The following ZFYVE26 variants were observed in gnomAD, a reference collection of about 807,000 sequenced individuals.
ZFYVE26 encodes the protein zinc finger FYVE-type containing 26.
ZFYVE26 carries 181 observed loss-of-function variants against 276.5 expected under a neutral mutation model. The observed-to-expected ratio is 0.65, with a 90% CI of 0.58 to 0.74. The LOEUF is 0.74. Ranked by LOEUF, ZFYVE26 falls within the 30% of genes least tolerant of loss-of-function variation. ZFYVE26 has a pLI of 0.00. For synonymous variants in ZFYVE26, 1,129 were observed against 1,203.1 expected (o/e 0.94, Z 1.27); for missense variants, 2,821 against 3,097.9 (o/e 0.91, Z 2.12).
chr14:67,746,023 G>T (rs2038482511), downstream of ZFYVE26, among the ~76,000 whole-genome samples: 1 of 149,386 alleles, frequency 6.7e-6, no homozygotes, highest in Non-Finnish European at 1.5e-5. Context: ...AGAAAATTTG[G>T]TATTCTGAAC....
Position 67,748,040 on chromosome 14 carries a change from A to G in ZFYVE26, c.*396T>C, listed in dbSNP as rs1165222673. On this transcript the variant is annotated 3_prime_UTR_variant, in exon 42 of 42. Transcript: ENST00000347230. ...CAGGACAACCCGGGTCAAGAACCAA[A>G]ACGCAGGGAAGGTTTTCAGAGTGGC... 4.0e-6 allele frequency: 1 copy of G among 248,168 alleles called. No homozygotes were observed. The highest frequency in any genetic ancestry group is 1.0e-4 in the East Asian group (1 of 10,034). The allele number at this position is 248,168 out of a possible 1,614,324, so 15.4% of individuals were successfully genotyped here.
chr14:67,801,912 T>C (rs1364609358), intron 10 of ZFYVE26, among the ~76,000 whole-genome samples, 167 bp downstream of exon 10: 1 of 152,090 alleles, frequency 6.6e-6, no homozygotes, highest in Non-Finnish European at 1.5e-5. Context: ...TCTTTTTCCA[T>C]GTCCCTTTGA....
At chr14:67,778,313 G>C in intron 23 of ZFYVE26, 65 bp from the exon 24 acceptor site, 1 of 1,608,540 alleles carries the variant, frequency 6.2e-7, no homozygotes, top group Non-Finnish European at 8.5e-7. Context: ...CAGCAGTCTT[G>C]AGTCTACAAA....
chr14:67,782,417 A>G (rs77713658), intron 21 of ZFYVE26, among the ~76,000 whole-genome samples: 28 of 152,206 alleles, frequency 1.8e-4, no homozygotes, highest in Non-Finnish European at 2.8e-4. Flanking sequence ...TCCTTTATAG[A>G]AAAAATGTGC....
At position 67,809,199 on chromosome 14, in the gene ZFYVE26, C is replaced by G; in HGVS notation, c.363+1G>C. ...CAGATGGTACCAGGGCTCTCTCTCA[C>G]CTCGAGGATGTTCTCTGGAATGTCA... On this transcript the variant is annotated splice_donor_variant, in intron 4 of 41. Coordinates refer to ENST00000347230, the MANE Select transcript of ZFYVE26 (RefSeq NM_015346.4). LOFTEE classifies it high-confidence loss of function. The G allele has an allele frequency of 6.2e-7, 1 of 1,613,806 alleles. No homozygotes were observed. The highest frequency in any genetic ancestry group is 8.5e-7 in the Non-Finnish European group (1 of 1,179,762).
intron 13 of ZFYVE26, among the ~76,000 whole-genome samples, chr14:67,732,840 C>T (rs1167634905): frequency 6.6e-6 from 1 of 152,160 alleles, no homozygotes; most frequent in East Asian, 1.9e-4. Context: ...CTCAGCCTCC[C>T]AAAGTCCTGG....
rs1321167326 is a variant in ZFYVE26 at position 67,762,235 on chromosome 14, G to C, written c.6337C>G (p.Leu2113Val). 2 of 1,614,122 alleles carry C rather than the reference G, an allele frequency of 1.2e-6. No homozygotes were observed. The highest frequency in any genetic ancestry group is 1.7e-5 in the Admixed American group (1 of 60,014). ...ACAAAGGGCCTCACTGTGGACTCTAGGTACTCAACCACATCCTGCACCAGC... is the reference window on the plus strand; with the variant it reads ...ACAAAGGGCCTCACTGTGGACTCTACGTACTCAACCACATCCTGCACCAGC... The part of the protein sequence containing the change: ...SRLVQDVVEY[L>V]ESTVRPFVSL... Residue 2113 changes from leucine (L) to valine (V), a missense_variant, in exon 34 of 42, where the codon CTA (leucine) becomes GTA (valine). Physicochemically the swap from Leu to Val is conservative, Grantham distance 32. Coordinates refer to ENST00000347230, the MANE Select transcript of ZFYVE26 (RefSeq NM_015346.4).
chr14:67,755,472 G>A (rs1254419883), intron 36 of ZFYVE26, among the ~76,000 whole-genome samples: 3 of 152,044 alleles, frequency 2.0e-5, no homozygotes, highest in African/African-American at 7.2e-5. Flanking sequence ...TTCCACCACC[G>A]AAGAGATGCT....
rs370375184 is a variant in ZFYVE26 at position 67,761,597 on chromosome 14, G to A, written c.6370-13C>T. 8 of 1,612,162 alleles carry A rather than the reference G, an allele frequency of 5.0e-6. No individual in the cohort carries two copies. The African/African-American group carries it at 8.0e-5, about 16-fold the overall frequency. Reference sequence around the variant, plus strand: ...AATCGTCATCTTGCTGACAGCACAGGGAGCGAGAGAGAAAAATGAAACTCA... The same window carrying A: ...AATCGTCATCTTGCTGACAGCACAGAGAGCGAGAGAGAAAAATGAAACTCA... On this transcript the variant is annotated splice_polypyrimidine_tract_variant and intron_variant, in intron 34 of 41. Transcript: ENST00000347230.
rs986584551 is a variant in ZFYVE26, at chr14:67,751,430, C to T, written c.7372-334G>A. On this transcript the variant is annotated intron_variant, in intron 40 of 41. Transcript: ENST00000347230. ...ACTTAGTGCAAGCACTAAGTTCTCA[C>T]ACTAAGTATGTATCAGCGTAATACA... The T allele has an allele frequency of 4.5e-5, 19 of 426,926 alleles. 1 individual carries two copies. The highest frequency in any genetic ancestry group is 3.8e-4 in the South Asian group (18 of 47,918). 26.4% of individuals were successfully genotyped at this position (426,926 alleles called of 1,614,324 possible).
At chr14:67,770,951 C>T (rs535444135) in intron 28 of ZFYVE26, among the ~76,000 whole-genome samples, 10 of 69,104 alleles carry the variant, frequency 1.4e-4, no homozygotes, top group Non-Finnish European at 3.1e-5. Context: ...ACTCTGCTTT[C>T]CTAATATCTT....
At chr14:67,733,876 G>A in intron 13 of ZFYVE26, 2 of 1,527,828 alleles carry the variant, frequency 1.3e-6, no homozygotes, top group Non-Finnish European at 9.1e-7. Context: ...GCTTTATCAG[G>A]CCCAATCCAT....
At position 67,766,316 on chromosome 14, in the gene ZFYVE26, C is replaced by A; in HGVS notation, c.5922G>T (p.Leu1974=). ...GCAGCTGCTTCATGATGTCCGTGAG[C>A]AGCCCGGCATCCACCTCTGGGTTGG... ...GLTNPEVDAG[L]LTDIMKQLLF... The change falls in exon 32 of 42, where the codon CTG becomes CTT. Residue 1974 remains leucine, a synonymous_variant. Transcript: ENST00000347230. 1 of 1,613,618 alleles carries A rather than the reference C, an allele frequency of 6.2e-7. No homozygotes were observed. Among genetic ancestry groups the A allele is most frequent in the Non-Finnish European group, 8.5e-7 (1 of 1,180,034 alleles).
At chr14:67,773,534 CAA>C (rs35244775) in intron 27 of ZFYVE26, among the ~76,000 whole-genome samples, 15 of 117,856 alleles carry the variant, frequency 1.3e-4, no homozygotes, top group East Asian at 2.4e-4. Context: ...ATCCTGTCTC[CAA>C]AAAAAAAAAA....
chr14:67,748,459 G>A lies in ZFYVE26; in HGVS notation c.7597C>T (p.His2533Tyr). 6.2e-7 allele frequency: 1 copy of A among 1,612,484 alleles called. No homozygotes were observed. Among genetic ancestry groups the A allele is most frequent in the Middle Eastern group, 2.0e-4 (1 of 4,970 alleles). ...GGTCACTTCCTGGAGCCTGGGCCAT[G>A]GGCACCCCGGGGGTGGCTTGTCAGA... ...WLLTSHPRGA[H>Y]GPGSRK is the part of the protein sequence containing the mutation. The change falls in exon 42 of 42, where the codon CAT (histidine) becomes TAT (tyrosine). Residue 2533 changes from histidine (H) to tyrosine (Y), a missense_variant. Physicochemically the swap from His to Tyr is moderately conservative, Grantham distance 83. Coordinates refer to ENST00000347230, the MANE Select transcript of ZFYVE26 (RefSeq NM_015346.4).
intron 9 of ZFYVE26, among the ~76,000 whole-genome samples, chr14:67,803,671 A>C (rs1266333565): frequency 6.6e-6 from 1 of 151,696 alleles, no homozygotes; most frequent in Non-Finnish European, 1.5e-5. Context: ...AAATCTCCTG[A>C]TCTGTTATAT....
At chr14:67,762,174 G>A (rs761360071) in intron 34 of ZFYVE26, 29 bp downstream of exon 34, 3 of 1,610,636 alleles carry the variant, frequency 1.9e-6, no homozygotes, top group African/African-American at 2.7e-5. Flanking sequence ...CCCTCCCTGA[G>A]CCAGGCACTC....
At chr14:67,767,940 C>T (rs943174372) in intron 30 of ZFYVE26, 100 bp from the exon 31 acceptor site, 7 of 1,524,334 alleles carry the variant, frequency 4.6e-6, no homozygotes, top group African/African-American at 1.4e-5. Context: ...CACTTGCCTG[C>T]TATCTCAGGG....
intron 27 of ZFYVE26, among the ~76,000 whole-genome samples, chr14:67,773,580 CTGCTCAGGCTGCCATTTA>C (rs1272201861): frequency 7.3e-5 from 11 of 150,358 alleles, no homozygotes; most frequent in Admixed American, 2.0e-4. Flanking sequence ...CACCCCAAAG[CTGCTCAGGCTGCCATTTA>C]TGCTCAGGCT....
Sources: gnomAD v4.1 joint callset for allele counts (sites outside exome capture counted in the v4.1 genomes callset) on GRCh38, gnomAD v4.1.1 for gene constraint, MANE v1.5 for transcripts, NCBI Gene and HGNC (gene_info 2026-07-23, HGNC 2026-07-21) for gene names.